The following VOPP1 variants were observed in gnomAD, a reference collection of about 807,000 sequenced individuals.
The protein encoded by VOPP1 is VOPP1 WW domain binding protein.
A neutral mutation model predicts 23.5 loss-of-function variants in VOPP1; 8 were observed. The ratio of observed to expected loss-of-function variants is 0.34; its 90% CI spans 0.20 to 0.61. VOPP1 has a LOEUF of 0.61. Among genes scored for constraint, VOPP1 ranks in the 20% least tolerant of loss-of-function variants. The pLI, the probability that VOPP1 is intolerant of heterozygous loss-of-function variation, is 0.78. For synonymous variants in VOPP1, 83 were observed against 97.3 expected, an observed-to-expected ratio of 0.85 and a Z score of 0.86; for missense variants, 174 against 238.1, an observed-to-expected ratio of 0.73 and a Z score of 1.77.
chr7:55,497,680 A>G lies in VOPP1; in HGVS notation c.124T>C (p.Tyr42His). 12 of 1,613,916 alleles carry G rather than the reference A, an allele frequency of 7.4e-6. No homozygotes were observed. Among genetic ancestry groups the G allele is most frequent in the Non-Finnish European group, 1.0e-5 (12 of 1,179,868 alleles). Residue 42 changes from tyrosine (Y) to histidine (H), a missense_variant, in exon 3 of 5, where the codon TAC becomes CAC. Transcript: ENST00000285279. ...CACCTGGAGCCACAGCAGTCCTCGT[A>G]GGAGCGGCATCTGTGGAGAGAGGCA... is the stretch of plus-strand genomic sequence containing the variant. Reference protein sequence around the residue: ...LYPTYYICRSYEDCCGSRCCV... With the variant: ...LYPTYYICRSHEDCCGSRCCV...
chr7:55,535,464 C>A (rs527982168), intron 1 of VOPP1, among the ~76,000 whole-genome samples: 2 of 152,318 alleles, frequency 1.3e-5, no homozygotes, highest in East Asian at 3.9e-4. Flanking sequence ...GTCCTTCTGG[C>A]CTGGCCGCCC....
At chr7:55,521,862 G>C (rs558953837) in intron 1 of VOPP1, 1 of 983,716 alleles carries the variant, frequency 1.0e-6, no homozygotes, top group South Asian at 4.7e-5. Flanking sequence ...TGCTCAGGGA[G>C]CTCTCTATGC....
At chr7:55,451,828 C>T (rs1397374726) in intron 4 of VOPP1, among the ~76,000 whole-genome samples, 1 of 152,108 alleles carries the variant, frequency 6.6e-6, no homozygotes, top group Admixed American at 6.5e-5. Context: ...AAAATGCTAA[C>T]GGTTATCTGG....
intron 2 of VOPP1, among the ~76,000 whole-genome samples, chr7:55,502,487 G>T (rs909923330): frequency 2.0e-5 from 3 of 152,164 alleles, no homozygotes; most frequent in African/African-American, 7.2e-5. Flanking sequence ...CGCTGGCCCG[G>T]CTCCCATTGT....
At chr7:55,475,283 G>T (rs965853463) in intron 4 of VOPP1, among the ~76,000 whole-genome samples, 1 of 152,170 alleles carries the variant, frequency 6.6e-6, no homozygotes, top group Non-Finnish European at 1.5e-5. Context: ...GCACAGGAAG[G>T]CACCCGAGAC....
intron 4 of VOPP1, among the ~76,000 whole-genome samples, chr7:55,479,340 G>A (rs899294562): frequency 7.1e-6 from 1 of 139,998 alleles, no homozygotes; most frequent in African/African-American, 2.7e-5. Flanking sequence ...AGAATGTGAT[G>A]TTCCCCTTCC....
chr7:55,445,226 C>CAG (rs1486894746), intron 4 of VOPP1, among the ~76,000 whole-genome samples: 15 of 138,972 alleles, frequency 1.1e-4, no homozygotes, highest in African/African-American at 2.5e-4. Context: ...GACACACACA[C>CAG]ACAGACACAC....
chr7:55,495,559 A>G (rs1190962839), intron 3 of VOPP1, among the ~76,000 whole-genome samples: 1 of 152,150 alleles, frequency 6.6e-6, no homozygotes, highest in African/African-American at 2.4e-5. Flanking sequence ...ACCCAGTCAA[A>G]AGCTTTGTAG....
intron 2 of VOPP1, among the ~76,000 whole-genome samples, chr7:55,509,051 T>C (rs567411694): frequency 1.3e-5 from 2 of 152,288 alleles, no homozygotes; most frequent in South Asian, 4.1e-4. Flanking sequence ...TCAAATTTAT[T>C]ATCAATTTTA....
intron 1 of VOPP1, among the ~76,000 whole-genome samples, chr7:55,558,468 A>G (rs1474992375): frequency 3.3e-5 from 5 of 152,158 alleles, no homozygotes; most frequent in Non-Finnish European, 7.4e-5. Context: ...CATACAAATA[A>G]TGTGTTTCTC....
At chr7:55,495,635 T>C (rs1793897227) in intron 3 of VOPP1, among the ~76,000 whole-genome samples, 1 of 152,254 alleles carries the variant, frequency 6.6e-6, no homozygotes, top group African/African-American at 2.4e-5. Flanking sequence ...CACCTCATTA[T>C]CTGCTTAGAC....
At chr7:55,548,556 A>C (rs765705958) in intron 1 of VOPP1, among the ~76,000 whole-genome samples, 2 of 152,228 alleles carry the variant, frequency 1.3e-5, no homozygotes, top group East Asian at 1.9e-4. Flanking sequence ...TAGCATTCAG[A>C]TGAGTCCCAC....
intron 1 of VOPP1, among the ~76,000 whole-genome samples, chr7:55,549,017 TG>T (rs1373135730): frequency 2.0e-5 from 3 of 152,042 alleles, no homozygotes; most frequent in Non-Finnish European, 4.4e-5. Flanking sequence ...GACCCACCTA[TG>T]AGGCATGGAA....
chr7:55,523,879 CTGAGTA>C (rs1446727354), intron 1 of VOPP1, among the ~76,000 whole-genome samples: 1 of 152,224 alleles, frequency 6.6e-6, no homozygotes, highest in Non-Finnish European at 1.5e-5. Flanking sequence ...CAAAATTCTT[CTGAGTA>C]TATCTTTTTA....
chr7:55,486,607 C>T (rs1199456245), intron 4 of VOPP1, among the ~76,000 whole-genome samples: 1 of 152,208 alleles, frequency 6.6e-6, no homozygotes, highest in Non-Finnish European at 1.5e-5. Flanking sequence ...TCCTGGGCGT[C>T]ACCAAGTAAG....
chr7:55,527,294 A>AT (rs1276545709), intron 1 of VOPP1, among the ~76,000 whole-genome samples: 1 of 152,166 alleles, frequency 6.6e-6, no homozygotes. Flanking sequence ...AGAAACCTTG[A>AT]TTTTTTTAGA....
intron 2 of VOPP1, among the ~76,000 whole-genome samples, chr7:55,509,663 C>T (rs1195289892): frequency 6.6e-6 from 1 of 152,212 alleles, no homozygotes; most frequent in Admixed American, 6.5e-5. Flanking sequence ...CTACATCCTG[C>T]CCTCTTCCAC....
intron 1 of VOPP1, among the ~76,000 whole-genome samples, chr7:55,551,673 G>A (rs1279557007): frequency 6.6e-6 from 1 of 152,164 alleles, no homozygotes; most frequent in East Asian, 1.9e-4. Context: ...GAGGAAGAGG[G>A]CCTCTCTTTC....
chr7:55,497,686 G>C lies in VOPP1; in HGVS notation c.118C>G (p.Arg40Gly), dbSNP rs778225998. 4 of 1,613,932 alleles carry C rather than the reference G, an allele frequency of 2.5e-6. No individual in the cohort carries two copies. The highest frequency in any genetic ancestry group is 3.4e-6 in the Non-Finnish European group (4 of 1,179,862). Reference protein sequence around the residue: ...EGLYPTYYICRSYEDCCGSRC... With the variant: ...EGLYPTYYICGSYEDCCGSRC... ...GAGCCACAGCAGTCCTCGTAGGAGC[G>C]GCATCTGTGGAGAGAGGCACAGGCT... Residue 40 changes from arginine to glycine, a missense_variant, in exon 3 of 5, where the codon CGC (arginine) becomes GGC (glycine). Physicochemically the swap from Arg to Gly is moderately radical, Grantham distance 125 (BLOSUM62 -2). Coordinates refer to ENST00000285279, the MANE Select transcript of VOPP1 (RefSeq NM_030796.5).
Sources: allele counts gnomAD v4.1 joint callset (sites outside exome capture counted in the v4.1 genomes callset), GRCh38; gene constraint gnomAD v4.1.1; transcripts MANE v1.5; gene names NCBI Gene and HGNC (gene_info 2026-07-23, HGNC 2026-07-21).